ATRN: variants seen among roughly 807,000 people sequenced by gnomAD.
ATRN encodes the protein attractin-2.
A neutral mutation model predicts 178.7 loss-of-function variants in ATRN; 54 were observed. That is an observed-to-expected ratio of 0.30 (90% CI 0.24 to 0.38). The LOEUF is 0.38. Among genes scored for constraint, ATRN ranks in the 10% least tolerant of loss-of-function variants. ATRN has a pLI of 1.00. For synonymous variants in ATRN, 636 were observed against 663.0 expected (o/e 0.96, Z 0.63); for missense variants, 1,443 against 1,815.1 (o/e 0.79, Z 3.73).
chr20:3,490,974 T>C, intron 1 of ATRN: 1 of 1,539,442 alleles, frequency 6.5e-7, no homozygotes, highest in Non-Finnish European at 9.0e-7. Context: ...CTCCTCATGA[T>C]AGCGCCGCTG....
intron 27 of ATRN, among the ~76,000 whole-genome samples, chr20:3,642,212 T>C (rs537968745): frequency 9.2e-5 from 14 of 152,210 alleles, no homozygotes; most frequent in Non-Finnish European, 1.8e-4. Flanking sequence ...TCAGTGATCT[T>C]CACTATCACA....
rs187438882 is a variant in ATRN at position 3,502,445 on chromosome 20, A to T, written c.410+30928A>T. On this transcript the variant is annotated intron_variant, in intron 1 of 28. Coordinates refer to ENST00000262919, the MANE Select transcript of ATRN (RefSeq NM_139321.3). ...ACAACATAGTCGTAGAGCATCTTGC[A>T]TCCTCCCATCCACCTAGACCCGGTG... Among the ~76,000 whole-genome samples the T allele has an allele frequency of 1.9e-4, 29 of 152,294 alleles. No homozygotes were observed. The East Asian group carries it at 4.1e-3, about 21-fold the overall frequency.
chr20:3,512,296 C>A (rs1433715924), intron 1 of ATRN, among the ~76,000 whole-genome samples: 1 of 144,718 alleles, frequency 6.9e-6, no homozygotes, highest in South Asian at 2.3e-4. Flanking sequence ...TGTGATGTTC[C>A]CCTTCCTGTG....
rs149881992 is a variant in ATRN, at chr20:3,566,322, A to G, written c.1871+890A>G. Among the ~76,000 whole-genome samples the G allele has an allele frequency of 5.2e-3, 795 of 152,270 alleles. 6 individuals carry two copies. Among genetic ancestry groups the G allele is most frequent in the African/African-American group, 0.018 (748 of 41,558 alleles). On this transcript the variant is annotated intron_variant, in intron 11 of 28. Coordinates refer to ENST00000262919, the MANE Select transcript of ATRN (RefSeq NM_139321.3). ...AGCTCTTCAAAAAATCGGCCCTTGG[A>G]GAAGTCTCAGTCAAATAAGGGAGAT...
At chr20:3,586,809 A>G (rs1188613122) in intron 18 of ATRN, among the ~76,000 whole-genome samples, 2 of 152,264 alleles carry the variant, frequency 1.3e-5, no homozygotes, top group Admixed American at 6.5e-5. Flanking sequence ...AACAAGGAAT[A>G]ATAGGCATGA....
At chr20:3,624,601 TTC>T in intron 25 of ATRN, 29 bp downstream of exon 25, 1 of 1,559,802 alleles carries the variant, frequency 6.4e-7, no homozygotes, top group Non-Finnish European at 8.8e-7. Context: ...ACTCTCTCTG[TTC>T]TTTTGATTTA....
rs995945096 is a variant in ATRN at position 3,598,012 on chromosome 20, T to A, written c.3564+12T>A. 5 of 1,544,068 alleles carry A rather than the reference T, an allele frequency of 3.2e-6. No individual in the cohort carries two copies. The highest frequency in any genetic ancestry group is 3.6e-6 in the Non-Finnish European group (4 of 1,118,288). Reference sequence around the variant, plus strand: ...CTACTCCTGACGAAGTAAGATTTTTTAAAGTCTTCCTATTTTGTTTTGAAT... The same window carrying A: ...CTACTCCTGACGAAGTAAGATTTTTAAAAGTCTTCCTATTTTGTTTTGAAT... On this transcript the variant is annotated intron_variant, in intron 22 of 28. Transcript: ENST00000262919.
chr20:3,633,463 G>GAGATTGTACT (rs2087003645), intron 25 of ATRN, among the ~76,000 whole-genome samples: 1 of 152,220 alleles, frequency 6.6e-6, no homozygotes, highest in East Asian at 1.9e-4. Flanking sequence ...CAAACGCAGA[G>GAGATTGTACT]CTCAGCCAGC....
intron 18 of ATRN, among the ~76,000 whole-genome samples, chr20:3,589,588 C>T (rs1042934314): frequency 2.6e-5 from 4 of 152,068 alleles, no homozygotes; most frequent in Admixed American, 6.6e-5. Flanking sequence ...TGGTGGTATT[C>T]GGAGATTGAG....
intron 24 of ATRN, among the ~76,000 whole-genome samples, chr20:3,623,947 A>T (rs2086916378): frequency 6.6e-6 from 1 of 152,180 alleles, no homozygotes; most frequent in Non-Finnish European, 1.5e-5. Flanking sequence ...TTGCATTTTT[A>T]TATTCTTGGT....
chr20:3,607,061 A>AT (rs1467966610), intron 24 of ATRN, among the ~76,000 whole-genome samples: 1 of 151,676 alleles, frequency 6.6e-6, no homozygotes, highest in Non-Finnish European at 1.5e-5. Context: ...CCTTTTTAAT[A>AT]TTTTTTCTAG....
intron 19 of ATRN, 104 bp downstream of exon 19, chr20:3,591,410 A>G (rs2086440582): frequency 7.4e-7 from 1 of 1,350,682 alleles, no homozygotes; most frequent in Non-Finnish European, 1.0e-6. Context: ...TGTTTTGGAT[A>G]CCACATTTCT....
intron 1 of ATRN, among the ~76,000 whole-genome samples, chr20:3,481,687 C>T (rs1041283428): frequency 6.6e-5 from 10 of 151,108 alleles, no homozygotes; most frequent in Middle Eastern, 6.8e-3. Flanking sequence ...TTTCAGTTTG[C>T]GTTTTGGGTG....
chr20:3,513,343 C>T (rs1167008081), intron 1 of ATRN, among the ~76,000 whole-genome samples: 1 of 152,188 alleles, frequency 6.6e-6, no homozygotes, highest in Non-Finnish European at 1.5e-5. Context: ...CCAGTTTTCC[C>T]AGCACCATTT....
At chr20:3,574,847 G>A (rs375394564) in intron 12 of ATRN, among the ~76,000 whole-genome samples, 30 of 152,216 alleles carry the variant, frequency 2.0e-4, no homozygotes, top group African/African-American at 7.2e-4. Context: ...CTAAGGAGCC[G>A]ACTGCTGGGG....
intron 1 of ATRN, 92 bp from the exon 2 acceptor site, chr20:3,535,161 G>C: frequency 2.2e-6 from 1 of 451,962 alleles, no homozygotes; most frequent in Non-Finnish European, 3.3e-6. Context: ...TAAGAATTAA[G>C]AAATATTAAT....
intron 24 of ATRN, among the ~76,000 whole-genome samples, chr20:3,617,691 A>C (rs1304120002): frequency 2.0e-5 from 3 of 152,120 alleles, no homozygotes; most frequent in African/African-American, 4.8e-5. Flanking sequence ...TGAAAAGAAT[A>C]ATACAGGTGG....
chr20:3,549,328 A>G lies in ATRN; in HGVS notation c.1102A>G (p.Met368Val). 5 of 1,585,564 alleles carry G rather than the reference A, an allele frequency of 3.2e-6. No homozygotes were observed. The highest frequency in any genetic ancestry group is 3.4e-6 in the Non-Finnish European group (4 of 1,170,744). ...TATGTTCAACCACTCAGATTATAACATGGTTCTAGCGTAAGTCGTTTTAAA... is the reference window on the plus strand; with the variant it reads ...TATGTTCAACCACTCAGATTATAACGTGGTTCTAGCGTAAGTCGTTTTAAA... The part of the protein sequence containing the change: ...GYMFNHSDYN[M>V]VLAYDLASRE... The change falls in exon 6 of 29, where the codon ATG becomes GTG. Residue 368 changes from methionine (M) to valine (V), a missense_variant. Physicochemically the swap from Met to Val is conservative, Grantham distance 21. Transcript: ENST00000262919.
At chr20:3,568,196 C>T (rs1036079336) in intron 11 of ATRN, among the ~76,000 whole-genome samples, 1 of 151,238 alleles carries the variant, frequency 6.6e-6, no homozygotes. Flanking sequence ...GAGGCTGAGG[C>T]AGGAGAATGA....
Sources: gnomAD v4.1 joint callset for allele counts (sites outside exome capture counted in the v4.1 genomes callset) on GRCh38, gnomAD v4.1.1 for gene constraint, MANE v1.5 for transcripts, NCBI Gene and HGNC (gene_info 2026-07-23, HGNC 2026-07-21) for gene names.